CPNE5: variants seen among roughly 807,000 people sequenced by gnomAD.
CPNE5 encodes the protein copine-5.
In CPNE5, 42 loss-of-function variants were observed where a neutral mutation model predicts 81.1. The observed-to-expected ratio is 0.52, with a 90% CI of 0.40 to 0.67. CPNE5 has a LOEUF of 0.67. CPNE5 is among the 30% of genes least tolerant of loss of function. CPNE5 has a pLI of 0.00. For synonymous variants in CPNE5, 313 were observed against 321.5 expected, an observed-to-expected ratio of 0.97 and a Z score of 0.28; for missense variants, 612 against 815.5, an observed-to-expected ratio of 0.75 and a Z score of 3.04.
chr6:36,747,056 T>C (rs1764250817), intron 15 of CPNE5, among the ~76,000 whole-genome samples: 1 of 152,106 alleles, frequency 6.6e-6, no homozygotes, highest in African/African-American at 2.4e-5. Flanking sequence ...CCCCTCGCCA[T>C]TCCCACCTCA....
chr6:36,800,465 G>C (rs557794913), intron 3 of CPNE5, among the ~76,000 whole-genome samples: 1 of 152,024 alleles, frequency 6.6e-6, no homozygotes, highest in African/African-American at 2.4e-5. Flanking sequence ...ATTTCTCTGA[G>C]CCTCCACCGA....
At chr6:36,768,225 CTTTTTTT>C (rs10586762) in intron 10 of CPNE5, among the ~76,000 whole-genome samples, 13 of 60,494 alleles carry the variant, frequency 2.1e-4, no homozygotes, top group African/African-American at 3.2e-4. Flanking sequence ...ATTCACAGTT[CTTTTTTT>C]TTTTTTTTTT....
At chr6:36,744,974 C>G (rs1049472529) in intron 18 of CPNE5, 74 bp downstream of exon 18, 1 of 1,056,672 alleles carries the variant, frequency 9.5e-7, no homozygotes, top group Non-Finnish European at 1.5e-6. Context: ...GAGGTAGGCA[C>G]ATCCCCAGGG....
At chr6:36,754,430 C>T (rs1765194613) in intron 13 of CPNE5, 1 of 152,192 alleles carries the variant, frequency 6.6e-6, no homozygotes, top group Non-Finnish European at 1.5e-5. Flanking sequence ...GGTAGAAATG[C>T]AGAAATGCAG....
At chr6:36,756,167 C>T (rs1382136530) in intron 13 of CPNE5, 78 bp downstream of exon 13, 42 of 1,244,416 alleles carry the variant, frequency 3.4e-5, no homozygotes, top group African/African-American at 8.9e-5. Flanking sequence ...CACAGACGCA[C>T]GGGCCTCCCT....
At chr6:36,756,201 C>T (rs116076878) in intron 13 of CPNE5, 44 bp downstream of exon 13, 21,877 of 1,579,426 alleles carry the variant, frequency 0.014, 201 homozygotes, top group Non-Finnish European at 0.016. Context: ...GCTTGGGGCT[C>T]AGAATGTCTA....
intron 13 of CPNE5, chr6:36,754,422 TAGAAATGC>T (rs1168856079): frequency 6.6e-6 from 1 of 152,168 alleles, no homozygotes; most frequent in African/African-American, 2.4e-5. Context: ...CGATGCCAGG[TAGAAATGC>T]AGAAATGCAG....
chr6:36,776,754 A>G (rs75893953), intron 9 of CPNE5, among the ~76,000 whole-genome samples: 2,027 of 152,250 alleles, frequency 0.013, 41 homozygotes, highest in African/African-American at 0.046. Context: ...GTGATCAGGT[A>G]CAGCTCCAGG....
intron 8 of CPNE5, among the ~76,000 whole-genome samples, chr6:36,784,529 A>G (rs1768346115): frequency 6.6e-6 from 1 of 152,240 alleles, no homozygotes; most frequent in South Asian, 2.1e-4. Flanking sequence ...GGCTGGAGAA[A>G]GTGGCAATAA....
chr6:36,756,147 C>T (rs1765435856), intron 13 of CPNE5, 98 bp downstream of exon 13: 2 of 926,530 alleles, frequency 2.2e-6, no homozygotes, highest in African/African-American at 1.6e-5. Context: ...ACGCTCAGCC[C>T]CTGCACACAC....
intron 3 of CPNE5, among the ~76,000 whole-genome samples, chr6:36,810,001 A>G (rs751547301): frequency 6.6e-6 from 1 of 151,900 alleles, no homozygotes; most frequent in Non-Finnish European, 1.5e-5. Context: ...CACTTTACCG[A>G]TGAAAGAACG....
intron 7 of CPNE5, 50 bp from the exon 8 acceptor site, chr6:36,792,146 A>G (rs768482726): frequency 3.2e-6 from 5 of 1,566,570 alleles, no homozygotes; most frequent in Non-Finnish European, 4.4e-6. Context: ...AGACAGAGCC[A>G]TAAACCTGAC....
intron 3 of CPNE5, among the ~76,000 whole-genome samples, chr6:36,805,401 T>G (rs547956937): frequency 6.6e-6 from 1 of 152,344 alleles, no homozygotes; most frequent in East Asian, 1.9e-4. Flanking sequence ...CTGTCCACAC[T>G]TTGGGCTCTG....
chr6:36,786,601 A>T (rs773267483), intron 8 of CPNE5, among the ~76,000 whole-genome samples: 2 of 152,220 alleles, frequency 1.3e-5, no homozygotes, highest in Non-Finnish European at 2.9e-5. Flanking sequence ...GACGATTTGG[A>T]TATGAGGATG....
chr6:36,785,750 C>T (rs1332374984), intron 8 of CPNE5, among the ~76,000 whole-genome samples: 3 of 152,112 alleles, frequency 2.0e-5, no homozygotes, highest in Admixed American at 6.5e-5. Context: ...CTGTGGCTCA[C>T]GCCTGTAATC....
intron 11 of CPNE5, among the ~76,000 whole-genome samples, chr6:36,763,704 G>A (rs1766279765): frequency 6.6e-6 from 1 of 151,824 alleles, no homozygotes; most frequent in African/African-American, 2.4e-5. Flanking sequence ...CATTTTCAAT[G>A]AAGCATTTAG....
chr6:36,835,018 A>G (rs1773353048), intron 1 of CPNE5, among the ~76,000 whole-genome samples: 1 of 152,092 alleles, frequency 6.6e-6, no homozygotes, highest in African/African-American at 2.4e-5. Context: ...GCAGAAAACA[A>G]TATCTCTGGG....
At chr6:36,791,134 C>T (rs533815074) in intron 8 of CPNE5, among the ~76,000 whole-genome samples, 1 of 152,248 alleles carries the variant, frequency 6.6e-6, no homozygotes, top group African/African-American at 2.4e-5. Flanking sequence ...TCCCAGCCTC[C>T]TCTTCTCTCC....
At chr6:36,782,816 A>AACACACACACACACACACACACACACAC (rs3997726) in intron 8 of CPNE5, among the ~76,000 whole-genome samples, 1 of 126,230 alleles carries the variant, frequency 7.9e-6, no homozygotes, top group African/African-American at 3.2e-5. Flanking sequence ...CAAAAACCAA[A>AACACACACACACACACACACACACACAC]ACACACACAC....
Sources: allele counts gnomAD v4.1 joint callset (sites outside exome capture counted in the v4.1 genomes callset), GRCh38; gene constraint gnomAD v4.1.1; transcripts MANE v1.5; gene names NCBI Gene and HGNC (gene_info 2026-07-23, HGNC 2026-07-21).